PLXNC1: variants seen among roughly 807,000 people sequenced by gnomAD.
The protein encoded by PLXNC1 is plexin C1.
A neutral mutation model predicts 178.2 loss-of-function variants in PLXNC1; 75 were observed. The observed-to-expected ratio is 0.42, with a 90% CI of 0.35 to 0.51. The LOEUF (loss-of-function observed/expected upper bound fraction) is 0.51. Ranked by LOEUF, PLXNC1 falls within the 20% of genes least tolerant of loss-of-function variation. The pLI, the probability that PLXNC1 is intolerant of heterozygous loss-of-function variation, is 0.02. For synonymous variants in PLXNC1, 790 were observed against 779.9 expected (o/e 1.01, Z -0.22); for missense variants, 1,503 against 1,984.4 (o/e 0.76, Z 4.61).
intron 23 of PLXNC1, among the ~76,000 whole-genome samples, chr12:94,288,948 CA>C (rs879659344): frequency 2.0e-5 from 3 of 152,182 alleles, no homozygotes; most frequent in Admixed American, 1.3e-4. Flanking sequence ...TCACAATATT[CA>C]GAACATATTC....
intron 21 of PLXNC1, among the ~76,000 whole-genome samples, chr12:94,269,302 T>C (rs147320949): frequency 9.8e-4 from 149 of 152,340 alleles, no homozygotes; most frequent in African/African-American, 3.4e-3. Flanking sequence ...TTCAAGATTA[T>C]TAGAAATTCT....
At position 94,149,741 on chromosome 12, in the gene PLXNC1, C is replaced by A. The variant is rs1449462732; in HGVS notation, c.770C>A (p.Ala257Asp). 6.2e-7 allele frequency: 1 copy of A among 1,611,424 alleles called. No homozygotes were observed. Among genetic ancestry groups the A allele is most frequent in the South Asian group, 1.1e-5 (1 of 90,902 alleles). ...PYYPYNYTSG[A>D]ATGWPSMARI... is the part of the protein sequence containing the mutation. ...TACCCCTACAACTACACGAGCGGCG[C>A]TGCCACCGGCTGGCCCAGCATGGCG... Residue 257 changes from alanine to aspartate, a missense_variant, in exon 1 of 31, where the codon GCT becomes GAT. Ala to Asp is a moderately radical substitution (Grantham distance 126). Transcript: ENST00000258526.
At chr12:94,190,646 C>T (rs1457562447) in intron 4 of PLXNC1, among the ~76,000 whole-genome samples, 6 of 152,200 alleles carry the variant, frequency 3.9e-5, no homozygotes, top group African/African-American at 1.4e-4. Flanking sequence ...CAGCTTAATA[C>T]CCTCCCCTGG....
At chr12:94,188,175 G>A (rs1962589021) in intron 4 of PLXNC1, among the ~76,000 whole-genome samples, 1 of 152,072 alleles carries the variant, frequency 6.6e-6, no homozygotes, top group African/African-American at 2.4e-5. Context: ...GCCATGGTTA[G>A]GAGTGGCGCT....
At position 94,306,521 on chromosome 12, in the gene PLXNC1, G is replaced by A. The variant is rs1354046598; in HGVS notation, c.*1236G>A. The A allele has an allele frequency of 2.0e-5, 3 of 152,046 alleles. No homozygotes were observed. The highest frequency in any genetic ancestry group is 7.2e-5 in the African/African-American group (3 of 41,388). 9.4% of individuals were successfully genotyped at this position (152,046 alleles called of 1,614,324 possible). On this transcript the variant is annotated 3_prime_UTR_variant, in exon 31 of 31. Transcript: ENST00000258526. Reference sequence around the variant, plus strand: ...GCTCATGACCAGTTTTAATACCACTGTGTTTTCCTTCTATTAAACCAGAAG... The same window carrying A: ...GCTCATGACCAGTTTTAATACCACTATGTTTTCCTTCTATTAAACCAGAAG...
chr12:94,240,649 C>T lies in PLXNC1; in HGVS notation c.2285C>T (p.Ala762Val). ...ALPHCSLIFP[A>V]TTWISGGQNI... Reference sequence around the variant, plus strand: ...CCACATTGTTCCCTTATATTTCCTGCTACCACCTGGATCAGGTACTTTCTA... The same window carrying T: ...CCACATTGTTCCCTTATATTTCCTGTTACCACCTGGATCAGGTACTTTCTA... The change falls in exon 11 of 31, where the codon GCT becomes GTT. Residue 762 changes from alanine to valine, a missense_variant. By Grantham distance (64) the Ala-to-Val change is moderately conservative. Coordinates refer to ENST00000258526, the MANE Select transcript of PLXNC1 (RefSeq NM_005761.3). The T allele has an allele frequency of 1.2e-6, 2 of 1,611,652 alleles. No individual in the cohort carries two copies. Among genetic ancestry groups the T allele is most frequent in the Non-Finnish European group, 1.7e-6 (2 of 1,178,216 alleles).
At chr12:94,255,145 C>T (rs1206909855) in intron 16 of PLXNC1, 48 bp from the exon 17 acceptor site, 3 of 1,364,126 alleles carry the variant, frequency 2.2e-6, no homozygotes, top group Non-Finnish European at 3.2e-6. Context: ...AAGATCCTAT[C>T]CATTGTTTGT....
intron 28 of PLXNC1, among the ~76,000 whole-genome samples, chr12:94,302,703 A>G (rs1346667624): frequency 6.6e-6 from 1 of 152,206 alleles, no homozygotes; most frequent in Admixed American, 6.5e-5. Flanking sequence ...GAAACCACAC[A>G]AAGTAGCAGA....
In PLXNC1 at chr12:94,254,887, C is replaced by T. The variant is rs115290199; in HGVS notation, c.2982C>T (p.Asp994=). The change falls in exon 16 of 31, where the codon GAC becomes GAT. Residue 994 remains aspartate (D), a splice_region_variant and synonymous_variant. Transcript: ENST00000258526. The part of the protein sequence containing the change: ...LESELRKEIR[D]GFAELQMDKL... ...GCGAGCTCCGGAAAGAGATACGTGA[C>T]GGTAGGCTCCAAAATTGTGTTTGTA... The T allele has an allele frequency of 4.4e-5, 70 of 1,604,968 alleles. No individual in the cohort carries two copies. The highest frequency in any genetic ancestry group is 2.5e-4 in the African/African-American group (19 of 74,874).
At chr12:94,220,403 G>C (rs779269207) in intron 6 of PLXNC1, among the ~76,000 whole-genome samples, 1 of 152,174 alleles carries the variant, frequency 6.6e-6, no homozygotes, top group Non-Finnish European at 1.5e-5. Context: ...AGTTGGATAG[G>C]AGAGTGCAGA....
intron 4 of PLXNC1, among the ~76,000 whole-genome samples, chr12:94,206,938 G>A (rs1963318818): frequency 6.6e-6 from 1 of 152,150 alleles, no homozygotes; most frequent in Non-Finnish European, 1.5e-5. Context: ...TGCTCTTGTT[G>A]ATACGCAGGA....
intron 21 of PLXNC1, chr12:94,277,860 A>G (rs1352105283): frequency 1.8e-5 from 8 of 443,478 alleles, no homozygotes; most frequent in Non-Finnish European, 2.7e-5. Context: ...TCTCCCTAAC[A>G]ATGCTAGAAG....
At position 94,262,836 on chromosome 12, in the gene PLXNC1, G is replaced by A. The variant is rs937879752; in HGVS notation, c.3450+1996G>A. ...TACCATTTATTGAATGTGCCAGACA[G>A]CATGCTAAGAGCTTTACCTATCTTT... On this transcript the variant is annotated intron_variant, in intron 20 of 30. Coordinates refer to ENST00000258526, the MANE Select transcript of PLXNC1 (RefSeq NM_005761.3). The A allele has an allele frequency of 6.5e-6, 6 of 928,418 alleles. No homozygotes were observed. The African/African-American group carries it at 8.9e-5, about 14-fold the overall frequency. 57.5% of individuals were successfully genotyped at this position (928,418 alleles called of 1,614,324 possible).
At chr12:94,283,608 T>C (rs1211828482) in intron 23 of PLXNC1, among the ~76,000 whole-genome samples, 4 of 152,142 alleles carry the variant, frequency 2.6e-5, no homozygotes, top group Non-Finnish European at 5.9e-5. Context: ...GGATGAGAGT[T>C]TTTAAGGACA....
intron 9 of PLXNC1, among the ~76,000 whole-genome samples, chr12:94,233,676 C>T (rs566621791): frequency 6.6e-6 from 1 of 152,114 alleles, no homozygotes; most frequent in African/African-American, 2.4e-5. Flanking sequence ...CCGAGGGGCC[C>T]CCGTGAAAAG....
At chr12:94,250,786 A>G (rs1253463752) in intron 14 of PLXNC1, among the ~76,000 whole-genome samples, 1 of 152,166 alleles carries the variant, frequency 6.6e-6, no homozygotes, top group Non-Finnish European at 1.5e-5. Flanking sequence ...TGAGAGGCTG[A>G]GGTGGGAGGA....
At chr12:94,216,104 A>G (rs890712394) in intron 5 of PLXNC1, among the ~76,000 whole-genome samples, 2 of 152,120 alleles carry the variant, frequency 1.3e-5, no homozygotes, top group African/African-American at 4.8e-5. Context: ...TGTCTCTACT[A>G]CAAATACAAA....
chr12:94,238,488 G>GA (rs11376959), intron 10 of PLXNC1, among the ~76,000 whole-genome samples: 57,693 of 146,360 alleles, frequency 0.39, 12,518 homozygotes, highest in African/African-American at 0.61. Flanking sequence ...CTCCCCCTTC[G>GA]AAAAAAAAAA....
chr12:94,270,529 G>A (rs974789446), intron 21 of PLXNC1, among the ~76,000 whole-genome samples: 1 of 152,152 alleles, frequency 6.6e-6, no homozygotes, highest in African/African-American at 2.4e-5. Flanking sequence ...CAATGGAAAT[G>A]CCTTGCCACT....
Sources: allele counts gnomAD v4.1 joint callset (sites outside exome capture counted in the v4.1 genomes callset), GRCh38; gene constraint gnomAD v4.1.1; transcripts MANE v1.5; gene names NCBI Gene and HGNC (gene_info 2026-07-23, HGNC 2026-07-21).